Variants in WIPF3 observed in about 807,000 individuals in gnomAD.
The protein encoded by WIPF3 is WAS/WASL-interacting protein family member 3.
A neutral mutation model predicts 38.9 loss-of-function variants in WIPF3; 33 were observed. That is an observed-to-expected ratio of 0.85 (90% confidence interval 0.64 to 1.14). WIPF3 has a LOEUF of 1.14. WIPF3 is among the 50% of genes most tolerant of loss of function. The pLI, the probability that WIPF3 is intolerant of heterozygous loss-of-function variation, is 0.00. For missense variants in WIPF3, 711 were observed against 652.5 expected, an observed-to-expected ratio of 1.09 and a Z score of -0.98; for synonymous variants, 324 against 269.3, an observed-to-expected ratio of 1.20 and a Z score of -1.99.
chr7:29,826,861 C>T (rs1444145381), intron 1 of WIPF3, among the ~76,000 whole-genome samples: 10 of 152,156 alleles, frequency 6.6e-5, no homozygotes, highest in African/African-American at 2.4e-4. Context: ...AAGAGCCTGG[C>T]CTCTGGAGCC....
chr7:29,879,972 C>T (rs1188447340), intron 4 of WIPF3, among the ~76,000 whole-genome samples: 1 of 152,124 alleles, frequency 6.6e-6, no homozygotes, highest in Non-Finnish European at 1.5e-5. Flanking sequence ...AAATAGACTT[C>T]GCCTCTTGAT....
At chr7:29,880,589 T>G (rs1785695322) in intron 4 of WIPF3, among the ~76,000 whole-genome samples, 1 of 152,132 alleles carries the variant, frequency 6.6e-6, no homozygotes, top group Non-Finnish European at 1.5e-5. Context: ...TCATAGAAGA[T>G]GGGAGAAATG....
At chr7:29,834,131 A>T (rs1784762296) in intron 1 of WIPF3, among the ~76,000 whole-genome samples, 1 of 152,170 alleles carries the variant, frequency 6.6e-6, no homozygotes, top group Non-Finnish European at 1.5e-5. Flanking sequence ...CAGGGAAAGT[A>T]AGAGCTGACA....
chr7:29,852,077 C>G (rs1164051042), intron 2 of WIPF3, among the ~76,000 whole-genome samples: 2 of 152,202 alleles, frequency 1.3e-5, no homozygotes, highest in African/African-American at 2.4e-5. Flanking sequence ...TCATGGCTCA[C>G]TGCAGCCTCC....
intron 2 of WIPF3, among the ~76,000 whole-genome samples, chr7:29,836,591 T>C (rs1211121657): frequency 2.0e-5 from 3 of 152,260 alleles, no homozygotes; most frequent in Admixed American, 6.5e-5. Flanking sequence ...ACAATGCTAT[T>C]TATTCTAGCG....
At chr7:29,866,950 T>A (rs1341759961) in intron 2 of WIPF3, among the ~76,000 whole-genome samples, 1 of 152,256 alleles carries the variant, frequency 6.6e-6, no homozygotes, top group Non-Finnish European at 1.5e-5. Context: ...AGCTCTGTAC[T>A]TGGTAGCAGT....
intron 7 of WIPF3, among the ~76,000 whole-genome samples, chr7:29,889,793 G>A (rs534663121): frequency 6.6e-6 from 1 of 152,288 alleles, no homozygotes; most frequent in African/African-American, 2.4e-5. Flanking sequence ...CTGGCAAATC[G>A]TGACATGGAG....
intron 7 of WIPF3, among the ~76,000 whole-genome samples, chr7:29,899,008 T>C (rs553980374): frequency 1.3e-3 from 194 of 152,306 alleles, no homozygotes; most frequent in Non-Finnish European, 2.3e-3. Flanking sequence ...TTCTGGAGGC[T>C]GAGAAGTCCA....
intron 2 of WIPF3, among the ~76,000 whole-genome samples, chr7:29,849,038 T>C (rs1358716602): frequency 6.6e-6 from 1 of 152,170 alleles, no homozygotes; most frequent in Non-Finnish European, 1.5e-5. Flanking sequence ...AAATATTATA[T>C]GCTTTTTAAT....
rs564159742 is a variant in WIPF3, at chr7:29,835,493, A to C, written c.90+679A>C. 2.0e-5 allele frequency among the ~76,000 whole-genome samples: 3 copies of C among 152,212 alleles called. No individual in the cohort carries two copies. The East Asian group carries it at 5.8e-4, about 30-fold the overall frequency. On this transcript the variant is annotated intron_variant, in intron 2 of 8. Transcript: ENST00000242140. Reference sequence around the variant, plus strand: ...TCCTATGCATTGTAGGATGTTTAGCAACATCCCTGGCATCTACCCACTAGA... The same window carrying C: ...TCCTATGCATTGTAGGATGTTTAGCCACATCCCTGGCATCTACCCACTAGA...
At chr7:29,908,830 C>T (rs1309623361) in intron 8 of WIPF3, among the ~76,000 whole-genome samples, 1 of 151,200 alleles carries the variant, frequency 6.6e-6, no homozygotes, top group Non-Finnish European at 1.5e-5. Flanking sequence ...ATCACTTGAA[C>T]CCAGGAGACA....
intron 2 of WIPF3, among the ~76,000 whole-genome samples, chr7:29,857,091 A>G (rs1785197678): frequency 6.6e-6 from 1 of 152,150 alleles, no homozygotes; most frequent in Non-Finnish European, 1.5e-5. Flanking sequence ...GACCTTGGTG[A>G]TTAAGGGATT....
chr7:29,834,239 A>G (rs1005612899), intron 1 of WIPF3, among the ~76,000 whole-genome samples: 7 of 152,174 alleles, frequency 4.6e-5, no homozygotes, highest in African/African-American at 1.7e-4. Context: ...AAAAGGTTAC[A>G]TTTCATTCTG....
chr7:29,824,596 T>A (rs1230777616), intron 1 of WIPF3, among the ~76,000 whole-genome samples: 1 of 150,580 alleles, frequency 6.6e-6, no homozygotes, highest in East Asian at 1.9e-4. Context: ...ATGTCAACAG[T>A]GTGATGTGGG....
At chr7:29,810,196 C>A (rs1293796532) in intron 1 of WIPF3, among the ~76,000 whole-genome samples, 1 of 152,228 alleles carries the variant, frequency 6.6e-6, no homozygotes, top group African/African-American at 2.4e-5. Context: ...CTTCATACTC[C>A]TTTATCAAAG....
At chr7:29,871,462 T>G (rs1726896559) in intron 2 of WIPF3, among the ~76,000 whole-genome samples, 1 of 152,188 alleles carries the variant, frequency 6.6e-6, no homozygotes, top group African/African-American at 2.4e-5. Context: ...AAGGCTGAAA[T>G]TGTATTAAAA....
intron 2 of WIPF3, among the ~76,000 whole-genome samples, chr7:29,837,388 C>T (rs551532807): frequency 1.3e-5 from 2 of 152,254 alleles, no homozygotes; most frequent in South Asian, 4.2e-4. Context: ...ATGAAAAACA[C>T]ATTTTGTGCA....
At chr7:29,876,105 A>C in intron 3 of WIPF3, 143 bp downstream of exon 3, 1 of 1,153,894 alleles carries the variant, frequency 8.7e-7, no homozygotes, top group African/African-American at 1.6e-5. Context: ...TGGACAGGCC[A>C]AGTGGGCGAG....
At chr7:29,833,236 C>T (rs774389894) in intron 1 of WIPF3, among the ~76,000 whole-genome samples, 2 of 152,148 alleles carry the variant, frequency 1.3e-5, no homozygotes, top group Admixed American at 6.5e-5. Flanking sequence ...GTTTTGGAAA[C>T]GGATAGTGAT....
Sources: allele counts gnomAD v4.1 joint callset (sites outside exome capture counted in the v4.1 genomes callset), GRCh38; gene constraint gnomAD v4.1.1; transcripts MANE v1.5; gene names NCBI Gene and HGNC (gene_info 2026-07-23, HGNC 2026-07-21).